SRD5A2: variants seen among roughly 807,000 people sequenced by gnomAD.
SRD5A2 encodes 3-oxo-5-alpha-steroid 4-dehydrogenase 2.
In SRD5A2, 30 loss-of-function variants were observed where a neutral mutation model predicts 27.4. The ratio of observed to expected loss-of-function variants is 1.10; its 90% CI spans 0.82 to 1.49. The LOEUF (loss-of-function observed/expected upper bound fraction) is 1.49. Ranked by LOEUF, SRD5A2 falls within the 40% of genes most tolerant of loss-of-function variation. The probability of loss-of-function intolerance (pLI) is 0.00; values close to 1 mark genes in which losing one functional copy is unlikely to be tolerated. For missense variants in SRD5A2, 348 were observed against 323.4 expected (o/e 1.08, Z -0.58); for synonymous variants, 141 against 133.6 (o/e 1.06, Z -0.38).
intron 1 of SRD5A2, among the ~76,000 whole-genome samples, chr2:31,578,589 A>G (rs1667007524): frequency 6.6e-6 from 1 of 152,244 alleles, no homozygotes; most frequent in Non-Finnish European, 1.5e-5. Context: ...AGTGGCTTCA[A>G]AGAAAGAATT....
At position 31,526,274 on chromosome 2, in the gene SRD5A2, G is replaced by C. The variant is rs1665779431; in HGVS notation, c.699-12C>G. On this transcript the variant is annotated splice_polypyrimidine_tract_variant and intron_variant, in intron 4 of 4. Coordinates refer to ENST00000622030, the MANE Select transcript of SRD5A2 (RefSeq NM_000348.4). The stretch of plus-strand genomic sequence containing the variant: ...TCTTGAGGTAGAACCTAAAAGACAA[G>C]AAAGGAATAATTGTAAATATAATGG... The C allele has an allele frequency of 1.3e-6, 2 of 1,545,066 alleles. No homozygotes were observed. Among genetic ancestry groups the C allele is most frequent in the African/African-American group, 1.4e-5 (1 of 73,214 alleles).
chr2:31,528,952 T>G (rs1665839834), intron 4 of SRD5A2, among the ~76,000 whole-genome samples: 1 of 152,176 alleles, frequency 6.6e-6, no homozygotes, highest in South Asian at 2.1e-4. Context: ...TAAGCCTGCC[T>G]GGTGGGCACA....
chr2:31,631,951 A>G, the SRD5A2 span, among the ~76,000 whole-genome samples: 2 of 152,174 alleles, frequency 1.3e-5, no homozygotes, highest in Non-Finnish European at 2.9e-5. Context: ...AAATTATTCA[A>G]TGATGTCCCC....
At position 31,580,648 on chromosome 2, in the gene SRD5A2, C is replaced by T. The variant is rs778850680; in HGVS notation, c.253G>A (p.Gly85Ser). 1.9e-6 allele frequency: 3 copies of T among 1,586,768 alleles called. No homozygotes were observed. The highest frequency in any genetic ancestry group is 1.1e-5 in the South Asian group (1 of 88,984). ...TGGAAGTAATGTAGGCAGAAGAGGC[C>T]CAGAAGTACCGTCCCAGGTGGCCCG... ...LFGPPGTVLL[G>S]LFCLHYFHRT... The change falls in exon 1 of 5, where the codon GGC becomes AGC. Residue 85 changes from glycine (G) to serine (S), a missense_variant. By Grantham distance (56) the Gly-to-Ser change is moderately conservative. Transcript: ENST00000622030.
chr2:31,530,482 C>T (rs946732469), intron 3 of SRD5A2, among the ~76,000 whole-genome samples: 5 of 152,148 alleles, frequency 3.3e-5, no homozygotes, highest in South Asian at 2.1e-4. Flanking sequence ...AGACAGTAAA[C>T]GGCACATCTT....
chr2:31,649,344 C>G, the SRD5A2 span, among the ~76,000 whole-genome samples: 4 of 152,294 alleles, frequency 2.6e-5, 1 homozygote. Flanking sequence ...CATCCACTGG[C>G]TCCTGACACA....
the SRD5A2 span, among the ~76,000 whole-genome samples, chr2:31,657,299 T>C: frequency 6.6e-6 from 1 of 152,236 alleles, no homozygotes; most frequent in African/African-American, 2.4e-5. Flanking sequence ...CTTCAGAATT[T>C]TTCCATACAT....
At chr2:31,554,105 TC>T (rs530532114) in intron 1 of SRD5A2, among the ~76,000 whole-genome samples, 23 of 152,268 alleles carry the variant, frequency 1.5e-4, no homozygotes, top group Admixed American at 3.3e-4. Context: ...CTTGTTATCT[TC>T]CAAGTGATAG....
At chr2:31,581,462 C>T (rs1024412344), upstream of SRD5A2, among the ~76,000 whole-genome samples, 14 of 152,172 alleles carry the variant, frequency 9.2e-5, no homozygotes, top group Admixed American at 7.8e-4. Flanking sequence ...GTCTGCCAGC[C>T]CTTCTGCTCT....
At chr2:31,632,699 T>C in the SRD5A2 span, among the ~76,000 whole-genome samples, 1 of 152,148 alleles carries the variant, frequency 6.6e-6, no homozygotes, top group Non-Finnish European at 1.5e-5. Context: ...AGTCACTAGA[T>C]ACTTCTCCCA....
At chr2:31,659,279 G>A in the SRD5A2 span, among the ~76,000 whole-genome samples, 3 of 152,010 alleles carry the variant, frequency 2.0e-5, no homozygotes, top group East Asian at 1.9e-4. Flanking sequence ...AATAAGACAA[G>A]GATGCCCACT....
upstream of SRD5A2, among the ~76,000 whole-genome samples, chr2:31,582,625 T>C (rs886861554): frequency 3.3e-5 from 5 of 152,174 alleles, no homozygotes; most frequent in Non-Finnish European, 2.9e-5. Context: ...TGCCCAAATC[T>C]AGATTGCCAG....
In SRD5A2 at chr2:31,570,893, A is replaced by G. The variant is rs758091643; in HGVS notation, c.281+9727T>C. Among the ~76,000 whole-genome samples, 137 of 152,220 alleles carry G rather than the reference A, an allele frequency of 9.0e-4. 1 individual carries two copies. Among genetic ancestry groups the G allele is most frequent in the Admixed American group, 2.0e-3 (31 of 15,276 alleles). ...AATCAGAGATGACACAAACAGAAAA[A>G]CATTCCATGCTCATGGATAGAAAGA... On this transcript the variant is annotated intron_variant, in intron 1 of 4. Coordinates refer to ENST00000622030, the MANE Select transcript of SRD5A2 (RefSeq NM_000348.4).
At chr2:31,587,082 G>T in the SRD5A2 span, among the ~76,000 whole-genome samples, 1 of 152,136 alleles carries the variant, frequency 6.6e-6, no homozygotes, top group Non-Finnish European at 1.5e-5. Flanking sequence ...AGTGGATGAA[G>T]GATATGAAAA....
the SRD5A2 span, among the ~76,000 whole-genome samples, chr2:31,647,724 C>G: frequency 6.6e-6 from 1 of 152,132 alleles, no homozygotes; most frequent in African/African-American, 2.4e-5. Flanking sequence ...TCTGTACATA[C>G]AGAAGTAAAT....
chr2:31,582,325 G>A (rs1465113411), upstream of SRD5A2, among the ~76,000 whole-genome samples: 2 of 152,158 alleles, frequency 1.3e-5, no homozygotes, highest in South Asian at 2.1e-4. Context: ...CCCGTTTGGG[G>A]TGTCTCCTGA....
upstream of SRD5A2, among the ~76,000 whole-genome samples, chr2:31,581,227 GAACT>G (rs1326100137): frequency 6.6e-6 from 1 of 152,126 alleles, no homozygotes; most frequent in Non-Finnish European, 1.5e-5. Flanking sequence ...CATACTTCTG[GAACT>G]AAGACACGGG....
chr2:31,639,534 G>A, the SRD5A2 span, among the ~76,000 whole-genome samples: 4 of 151,924 alleles, frequency 2.6e-5, no homozygotes, highest in Non-Finnish European at 4.4e-5. Flanking sequence ...AGGATTAGTG[G>A]TGCTGAATTT....
Position 31,580,630 on chromosome 2 carries a change from A to G in SRD5A2, c.271T>C (p.Tyr91His), listed in dbSNP as rs201175894. The G allele has an allele frequency of 7.0e-6, 11 of 1,569,840 alleles. No homozygotes were observed. The highest frequency in any genetic ancestry group is 3.7e-4 in the Middle Eastern group (2 of 5,446). ...TVLLGLFCLH[Y>H]FHRTFVYSLL... Reference sequence around the variant, plus strand: ...AGGGAAAAACGCTACCTGTGGAAGTAATGTAGGCAGAAGAGGCCCAGAAGT... The same window carrying G: ...AGGGAAAAACGCTACCTGTGGAAGTGATGTAGGCAGAAGAGGCCCAGAAGT... Residue 91 changes from tyrosine (Y) to histidine (H), a missense_variant, in exon 1 of 5, where the codon TAC becomes CAC. Coordinates refer to ENST00000622030, the MANE Select transcript of SRD5A2 (RefSeq NM_000348.4).
Sources: allele counts gnomAD v4.1 joint callset (sites outside exome capture counted in the v4.1 genomes callset), GRCh38; gene constraint gnomAD v4.1.1; transcripts MANE v1.5; gene names NCBI Gene and HGNC (gene_info 2026-07-23, HGNC 2026-07-21).